UBE3A: variants seen among roughly 807,000 people sequenced by gnomAD.
UBE3A encodes ubiquitin-protein ligase E3A.
UBE3A carries 6 observed loss-of-function variants against 83.4 expected under a neutral mutation model. The ratio of observed to expected loss-of-function variants is 0.07; its 90% confidence interval spans 0.04 to 0.14. The LOEUF (loss-of-function observed/expected upper bound fraction) is 0.14. UBE3A is among the 10% of genes least tolerant of loss of function. The pLI is 1.00. For synonymous variants in UBE3A, 337 were observed against 355.4 expected, an observed-to-expected ratio of 0.95 and a Z score of 0.58; for missense variants, 456 against 1,036.1, an observed-to-expected ratio of 0.44 and a Z score of 7.69.
chr15:25,411,830 T>C (rs2090056365), intron 2 of UBE3A, 78 bp downstream of exon 2: 1 of 152,204 alleles, frequency 6.6e-6, no homozygotes, highest in Non-Finnish European at 1.5e-5. Flanking sequence ...GGCCCAAATT[T>C]GCTGAACACA....
At chr15:25,388,954 T>C (rs2083700097) in intron 4 of UBE3A, among the ~76,000 whole-genome samples, 2 of 152,160 alleles carry the variant, frequency 1.3e-5, no homozygotes, top group Admixed American at 6.5e-5. Context: ...AGAACTCTGA[T>C]GAAAGAAATC....
intron 4 of UBE3A, among the ~76,000 whole-genome samples, chr15:25,376,958 T>C (rs1236467221): frequency 6.6e-6 from 1 of 152,182 alleles, no homozygotes; most frequent in Non-Finnish European, 1.5e-5. Flanking sequence ...AAAATTACCA[T>C]AATTTCAGTA....
At chr15:25,430,711 A>G (rs1283383632) in intron 1 of UBE3A, among the ~76,000 whole-genome samples, 2 of 152,200 alleles carry the variant, frequency 1.3e-5, no homozygotes, top group African/African-American at 4.8e-5. Context: ...CTGTACATGA[A>G]AAAACAAAAC....
chr15:25,337,878 T>A lies in UBE3A; in HGVS notation c.*1259A>T, dbSNP rs2074085052. ...GAAACTACTTACTTCTGGAAATCAG[T>A]AATGTAAACCTACTTGTACTTTTCC... On this transcript the variant is annotated 3_prime_UTR_variant, in exon 13 of 13. Coordinates refer to ENST00000648336, the MANE Select transcript of UBE3A (RefSeq NM_130839.5). 6.6e-6 allele frequency: 1 copy of A among 152,196 alleles called. No homozygotes were observed. Among genetic ancestry groups the A allele is most frequent in the Admixed American group, 6.5e-5 (1 of 15,284 alleles). The allele number at this position is 152,196 out of a possible 1,614,324, so 9.4% of individuals were successfully genotyped here.
At chr15:25,344,014 T>C (rs979131530) in intron 11 of UBE3A, among the ~76,000 whole-genome samples, 2 of 152,212 alleles carry the variant, frequency 1.3e-5, no homozygotes, top group East Asian at 1.9e-4. Flanking sequence ...CTGGTGGGAA[T>C]GCAAAATGTT....
In UBE3A at chr15:25,391,276, T is replaced by C. The variant is rs138571738; in HGVS notation, c.62+14185A>G. Among the ~76,000 whole-genome samples the C allele has an allele frequency of 3.1e-3, 476 of 152,266 alleles. 3 individuals are homozygous for C. Among genetic ancestry groups the C allele is most frequent in the African/African-American group, 0.011 (465 of 41,546 alleles). ...CAAATACTTAATGATTCCACTGACA[T>C]GAAGTAGCCAAAACAGTCAAATTTT... is the stretch of plus-strand genomic sequence containing the variant. On this transcript the variant is annotated intron_variant, in intron 4 of 12. Coordinates refer to ENST00000648336, the MANE Select transcript of UBE3A (RefSeq NM_130839.5).
At chr15:25,382,333 G>T (rs1468026743) in intron 4 of UBE3A, among the ~76,000 whole-genome samples, 1 of 149,500 alleles carries the variant, frequency 6.7e-6, no homozygotes, top group Non-Finnish European at 1.5e-5. Context: ...AAAAAAAAAA[G>T]AAAAGAAAAG....
Position 25,360,521 on chromosome 15 carries a change from T to A in UBE3A, c.1615A>T (p.Met539Leu). ...TCTGCAGGATTTTCCATAGCGATCA[T>A]CTCTAGCTAGTGATTGAAAAGATAA... Reference protein sequence around the residue: ...IIDDALVRLEMIAMENPADLK... With the variant: ...IIDDALVRLELIAMENPADLK... The change falls in exon 7 of 13, where the codon ATG (methionine) becomes TTG (leucine). Residue 539 changes from methionine to leucine, a missense_variant. By Grantham distance (15) the Met-to-Leu change is conservative. Coordinates refer to ENST00000648336, the MANE Select transcript of UBE3A (RefSeq NM_130839.5). 6.2e-7 allele frequency: 1 copy of A among 1,613,392 alleles called. No individual in the cohort carries two copies. Among genetic ancestry groups the A allele is most frequent in the Non-Finnish European group, 8.5e-7 (1 of 1,179,832 alleles).
At chr15:25,397,523 A>G (rs1385362019) in intron 4 of UBE3A, among the ~76,000 whole-genome samples, 1 of 151,966 alleles carries the variant, frequency 6.6e-6, no homozygotes, top group Non-Finnish European at 1.5e-5. Flanking sequence ...TACTTTACAT[A>G]ATGGCCCCTC....
intron 4 of UBE3A, among the ~76,000 whole-genome samples, chr15:25,387,017 T>C (rs890262942): frequency 3.4e-4 from 52 of 152,338 alleles, no homozygotes; most frequent in African/African-American, 1.2e-3. Context: ...ATTTTTCTTA[T>C]ACTTAATTGA....
intron 6 of UBE3A, among the ~76,000 whole-genome samples, chr15:25,366,344 T>TC (rs1345863054): frequency 6.6e-6 from 1 of 152,314 alleles, no homozygotes; most frequent in South Asian, 2.1e-4. Context: ...AGAATTACGT[T>TC]CATGTTTCAC....
Position 25,409,199 on chromosome 15 carries a change from T to C in UBE3A, c.-92A>G. On this transcript the variant is annotated 5_prime_UTR_variant, in exon 3 of 13. The change abolishes the stop of an existing upstream ORF in the 5' untranslated region. Transcript: ENST00000648336. ...CTGCTACCTTGATCTGAGCGTAGGC[T>C]TAATAACTCTAATAAATTAAACAAA... The C allele has an allele frequency of 8.3e-7, 1 of 1,206,888 alleles. No homozygotes were observed. The highest frequency in any genetic ancestry group is 1.4e-5 in the South Asian group (1 of 72,522). 74.8% of individuals were successfully genotyped at this position (1,206,888 alleles called of 1,614,324 possible). A position where few individuals can be genotyped will look rare whatever the true frequency, so the allele number is the denominator to read the frequency against.
At chr15:25,402,759 T>C (rs888201685) in intron 4 of UBE3A, among the ~76,000 whole-genome samples, 3 of 152,356 alleles carry the variant, frequency 2.0e-5, no homozygotes, top group Middle Eastern at 3.4e-3. Context: ...AATGTAAAAC[T>C]GTCCTTCTTA....
rs2074283694 is a variant in UBE3A, at chr15:25,339,129, GT to G, written c.*7del. 1.4e-6 allele frequency: 2 copies of G among 1,392,350 alleles called. No individual in the cohort carries two copies. Among genetic ancestry groups the G allele is most frequent in the East Asian group, 2.6e-5 (1 of 38,280 alleles). 86.2% of individuals were successfully genotyped at this position (1,392,350 alleles called of 1,614,324 possible). ...CCTTTTTTTTGTTTTATTTTGTTTT[GT>G]TTTGTTTTACAGCATGCCAAATCCT... On this transcript the variant is annotated 3_prime_UTR_variant, in exon 13 of 13. Transcript: ENST00000648336.
intron 1 of UBE3A, among the ~76,000 whole-genome samples, chr15:25,435,309 T>G (rs1399856350): frequency 6.6e-6 from 1 of 152,140 alleles, no homozygotes; most frequent in Non-Finnish European, 1.5e-5. Context: ...GACAGACATC[T>G]TTCTTGTCTT....
rs577857584 is a variant in UBE3A at position 25,351,502 on chromosome 15, C to T, written c.2354+2851G>A. Among the ~76,000 whole-genome samples the T allele has an allele frequency of 5.9e-5, 9 of 152,326 alleles. No individual in the cohort carries two copies. The South Asian group carries it at 1.7e-3, about 28-fold the overall frequency. On this transcript the variant is annotated intron_variant, in intron 11 of 12. Transcript: ENST00000648336. The stretch of plus-strand genomic sequence containing the variant: ...TTCGTTTTTTTGAGATGGAATCTCA[C>T]TCTGTTGCCCAGGCTGGAGTGCAGT...
Position 25,339,104 on chromosome 15 carries a change from CCTTT to C in UBE3A, c.*29_*32del, listed in dbSNP as rs1566818233. ...TTAAATTTTTTCTTTTTTTTTCCTT[CCTTT>C]TTTTTGTTTTATTTTGTTTTGTTTT... On this transcript the variant is annotated 3_prime_UTR_variant, in exon 13 of 13. Coordinates refer to ENST00000648336, the MANE Select transcript of UBE3A (RefSeq NM_130839.5). 7 of 1,437,944 alleles carry C rather than the reference CCTTT, an allele frequency of 4.9e-6. No individual in the cohort carries two copies. Among genetic ancestry groups the C allele is most frequent in the Non-Finnish European group, 6.4e-6 (7 of 1,086,662 alleles). The allele number at this position is 1,437,944 out of a possible 1,614,324, so 89.1% of individuals were successfully genotyped here.
chr15:25,338,524 A>ATTGAT lies in UBE3A; in HGVS notation c.*608_*612dup, dbSNP rs1324231336. 1 of 151,630 alleles carries ATTGAT rather than the reference A, an allele frequency of 6.6e-6. No homozygotes were observed. Among genetic ancestry groups the ATTGAT allele is most frequent in the East Asian group, 1.9e-4 (1 of 5,180 alleles). 9.4% of individuals were successfully genotyped at this position (151,630 alleles called of 1,614,324 possible). A position where few individuals can be genotyped will look rare whatever the true frequency, so the allele number is the denominator to read the frequency against. On this transcript the variant is annotated 3_prime_UTR_variant, in exon 13 of 13. Transcript: ENST00000648336. Reference sequence around the variant, plus strand: ...TTCTCCCTTCCTTCCATCTTTCTTTATTGATTGATTCTCAAGATTTTGCAC... The same window carrying ATTGAT: ...TTCTCCCTTCCTTCCATCTTTCTTTATTGATTTGATTGATTCTCAAGATTTTGCAC...
At chr15:25,358,029 T>C (rs1448776306) in intron 7 of UBE3A, among the ~76,000 whole-genome samples, 1 of 149,698 alleles carries the variant, frequency 6.7e-6, no homozygotes, top group East Asian at 2.0e-4. Flanking sequence ...GCCTCCGGAG[T>C]AGTTGGGACT....
Sources: gnomAD v4.1 joint callset for allele counts (sites outside exome capture counted in the v4.1 genomes callset) on GRCh38, gnomAD v4.1.1 for gene constraint, MANE v1.5 for transcripts, NCBI Gene and HGNC (gene_info 2026-07-23, HGNC 2026-07-21) for gene names.